CLDN10: variants seen among roughly 807,000 people sequenced by gnomAD.
CLDN10 encodes the protein claudin 10.
Under a neutral mutation model 22.9 loss-of-function variants are expected in CLDN10, and 15 were observed. The ratio of observed to expected loss-of-function variants is 0.65; its 90% CI spans 0.44 to 1.01. The LOEUF is 1.01. Ranked by LOEUF, CLDN10 falls within the 50% of genes least tolerant of loss-of-function variation. The pLI, the probability that CLDN10 is intolerant of heterozygous loss-of-function variation, is 0.00. For missense variants in CLDN10, 247 were observed against 287.8 expected, an observed-to-expected ratio of 0.86 and a Z score of 1.03; for synonymous variants, 114 against 111.4, an observed-to-expected ratio of 1.02 and a Z score of -0.15.
intron 1 of CLDN10, among the ~76,000 whole-genome samples, chr13:95,538,156 T>TA (rs1400852923): frequency 0.083 from 1,424 of 17,194 alleles, 32 homozygotes; most frequent in African/African-American, 0.14. Flanking sequence ...TTTATTTCTT[T>TA]TTTTTTTTTT....
chr13:95,505,421 C>CGTTG (rs2043027708), intron 1 of CLDN10, among the ~76,000 whole-genome samples: 1 of 152,210 alleles, frequency 6.6e-6, no homozygotes, highest in South Asian at 2.1e-4. Context: ...GACTTGAAGT[C>CGTTG]GTTGGCTGAC....
intron 1 of CLDN10, among the ~76,000 whole-genome samples, chr13:95,488,774 A>C (rs1414075036): frequency 6.6e-6 from 1 of 151,890 alleles, no homozygotes; most frequent in Non-Finnish European, 1.5e-5. Flanking sequence ...CTCTTCATCC[A>C]CTTGTTGATT....
chr13:95,509,377 T>C (rs1161590617), intron 1 of CLDN10, among the ~76,000 whole-genome samples: 1 of 152,206 alleles, frequency 6.6e-6, no homozygotes, highest in Non-Finnish European at 1.5e-5. Flanking sequence ...AAGATGGACC[T>C]ATGCACTTTA....
At chr13:95,533,270 C>A (rs757081913) in intron 1 of CLDN10, among the ~76,000 whole-genome samples, 2 of 149,116 alleles carry the variant, frequency 1.3e-5, no homozygotes, top group South Asian at 2.1e-4. Context: ...AGAGACAGAG[C>A]GAGAGAGCAA....
At chr13:95,454,672 G>C (rs1004621874) in intron 1 of CLDN10, among the ~76,000 whole-genome samples, 2 of 152,194 alleles carry the variant, frequency 1.3e-5, no homozygotes, top group Non-Finnish European at 2.9e-5. Context: ...AGGATGAAGG[G>C]AGGGGTGTGG....
intron 1 of CLDN10, among the ~76,000 whole-genome samples, chr13:95,434,568 T>C (rs1202642586): frequency 6.6e-6 from 1 of 150,388 alleles, no homozygotes; most frequent in Non-Finnish European, 1.5e-5. Flanking sequence ...CACATGTGTG[T>C]ATATATACAT....
At chr13:95,569,494 G>T (rs1373038355) in intron 3 of CLDN10, among the ~76,000 whole-genome samples, 1 of 152,098 alleles carries the variant, frequency 6.6e-6, no homozygotes, top group Non-Finnish European at 1.5e-5. Flanking sequence ...TGAGGCAGGA[G>T]AATCACTTGA....
rs1005771834 is a variant in CLDN10, at chr13:95,578,922, G to A, written c.*908G>A. Reference sequence around the variant, plus strand: ...TGTGGCACATCCATGTTAAGGGGCTGAGGCGTCCCTGGCACGGAATGCAGA... The same window carrying A: ...TGTGGCACATCCATGTTAAGGGGCTAAGGCGTCCCTGGCACGGAATGCAGA... On this transcript the variant is annotated 3_prime_UTR_variant, in exon 5 of 5. Coordinates refer to ENST00000299339, the MANE Select transcript of CLDN10 (RefSeq NM_006984.5). 6.6e-6 allele frequency: 1 copy of A among 152,232 alleles called. No homozygotes were observed. Among genetic ancestry groups the A allele is most frequent in the African/African-American group, 2.4e-5 (1 of 41,450 alleles). 9.4% of individuals were successfully genotyped at this position (152,232 alleles called of 1,614,324 possible).
At chr13:95,443,309 T>C (rs951549674) in intron 1 of CLDN10, among the ~76,000 whole-genome samples, 3 of 152,204 alleles carry the variant, frequency 2.0e-5, no homozygotes, top group African/African-American at 7.2e-5. Flanking sequence ...AATGATGATG[T>C]CTAGTTACAT....
rs536078458 is a variant in CLDN10, at chr13:95,568,615, C to T, written c.464+8152C>T. On this transcript the variant is annotated intron_variant, in intron 3 of 4. Coordinates refer to ENST00000299339, the MANE Select transcript of CLDN10 (RefSeq NM_006984.5). ...TCTACCTCGTGCTTCCATCCTAACC[C>T]TACTGGGTGGTTTGCACCTGCTTAT... 2.6e-5 allele frequency among the ~76,000 whole-genome samples: 4 copies of T among 152,232 alleles called. No homozygotes were observed. In the South Asian group the frequency reaches 6.2e-4, roughly 24 times the overall value.
At chr13:95,566,960 G>GTTC (rs1206920780) in intron 3 of CLDN10, among the ~76,000 whole-genome samples, 3 of 152,152 alleles carry the variant, frequency 2.0e-5, no homozygotes, top group Non-Finnish European at 4.4e-5. Context: ...TGAGGCCTCT[G>GTTC]TTCTGTTCCA....
At chr13:95,552,653 T>C, upstream of CLDN10, 1 of 1,344,758 alleles carries the variant, frequency 7.4e-7, no homozygotes, top group Non-Finnish European at 9.6e-7. Context: ...GCGGGGACGG[T>C]GGGCGGAGGC....
rs71663389 is a variant in CLDN10 at position 95,439,919 on chromosome 13, C to CTT, written c.214+5883_214+5884dup. ...GTTAGATGCCTCCAAAATATTAACC[C>CTT]TTTTTTTTTTTTGAGACAAAGTCTC... On this transcript the variant is annotated intron_variant, in intron 1 of 4. Coordinates refer to the CLDN10 transcript ENST00000376873. 4.6e-4 allele frequency among the ~76,000 whole-genome samples: 68 copies of CTT among 147,096 alleles called. 1 individual carries two copies. The South Asian group carries it at 6.8e-3, about 15-fold the overall frequency.
At chr13:95,447,510 A>G (rs1358993279) in intron 1 of CLDN10, among the ~76,000 whole-genome samples, 2 of 152,078 alleles carry the variant, frequency 1.3e-5, no homozygotes, top group Non-Finnish European at 2.9e-5. Flanking sequence ...CGACGGTCCC[A>G]TACCCTAAAT....
intron 1 of CLDN10, among the ~76,000 whole-genome samples, chr13:95,465,463 G>A (rs1014798224): frequency 6.6e-6 from 1 of 152,174 alleles, no homozygotes. Context: ...AAAATGCTGA[G>A]ACTTTAAGGT....
intron 1 of CLDN10, among the ~76,000 whole-genome samples, chr13:95,469,853 T>G (rs2042614072): frequency 6.6e-6 from 1 of 152,226 alleles, no homozygotes; most frequent in African/African-American, 2.4e-5. Context: ...TATTGTCTTT[T>G]TAATTTTTTA....
intron 1 of CLDN10, among the ~76,000 whole-genome samples, chr13:95,488,273 G>T (rs1433477987): frequency 3.3e-5 from 5 of 151,150 alleles, no homozygotes; most frequent in African/African-American, 1.2e-4. Context: ...GATGCAATTG[G>T]TGGAAGTATC....
chr13:95,505,329 G>GT (rs1185848646), intron 1 of CLDN10, among the ~76,000 whole-genome samples: 1 of 152,192 alleles, frequency 6.6e-6, no homozygotes, highest in East Asian at 1.9e-4. Context: ...TTAAAGGCAG[G>GT]TATTGTTGCA....
In CLDN10 at chr13:95,504,451, C is replaced by T. The variant is rs200513692; in HGVS notation, c.215-55681C>T. ...GTGGAGTGCAGTGGCCTGATCTCAG[C>T]TCACTACAACCTCCACCTCCCAGGT... is the stretch of plus-strand genomic sequence containing the variant. On this transcript the variant is annotated intron_variant, in intron 1 of 4. Transcript: ENST00000376873. Among the ~76,000 whole-genome samples, 74 of 152,290 alleles carry T rather than the reference C, an allele frequency of 4.9e-4. No individual in the cohort carries two copies. In the East Asian group the frequency reaches 0.014, roughly 29 times the overall value.
Sources: allele counts gnomAD v4.1 joint callset (sites outside exome capture counted in the v4.1 genomes callset), GRCh38; gene constraint gnomAD v4.1.1; transcripts MANE v1.5; gene names NCBI Gene and HGNC (gene_info 2026-07-23, HGNC 2026-07-21).